Variants in ZFYVE28 observed in about 807,000 individuals in gnomAD.
ZFYVE28 encodes the protein zinc finger FYVE-type containing 28, also known as lateral signaling target protein 2 homolog.
A neutral mutation model predicts 82.1 loss-of-function variants in ZFYVE28; 40 were observed. The ratio of observed to expected loss-of-function variants is 0.49; its 90% CI spans 0.38 to 0.63. The LOEUF is 0.63. ZFYVE28 is among the 30% of genes least tolerant of loss of function. ZFYVE28 has a pLI of 0.00. For missense variants in ZFYVE28, 1,321 were observed against 1,242.1 expected (o/e 1.06, Z -0.96); for synonymous variants, 612 against 546.1 (o/e 1.12, Z -1.68).
In ZFYVE28 at chr4:2,290,178, G is replaced by A. The variant is rs139286240; in HGVS notation, c.2051+14111C>T. 7.6e-3 allele frequency among the ~76,000 whole-genome samples: 1,158 copies of A among 152,278 alleles called. 18 individuals carry two copies. Among genetic ancestry groups the A allele is most frequent in the African/African-American group, 0.026 (1,096 of 41,558 alleles). ...CAAGATCTCCTCAGGGGACAAGGCC[G>A]CCCATGCTGGCAACCCGGAGCCCAG... On this transcript the variant is annotated intron_variant, in intron 8 of 12. Coordinates refer to ENST00000290974, the MANE Select transcript of ZFYVE28 (RefSeq NM_020972.3).
At chr4:2,333,161 C>T (rs1012326472) in intron 6 of ZFYVE28, among the ~76,000 whole-genome samples, 6 of 151,616 alleles carry the variant, frequency 4.0e-5, no homozygotes, top group African/African-American at 1.5e-4. Context: ...AGCCTCCCTC[C>T]CCAACCTCCC....
At chr4:2,287,226 G>C (rs1712886325) in intron 8 of ZFYVE28, 1 of 152,310 alleles carries the variant, frequency 6.6e-6, no homozygotes, top group South Asian at 2.1e-4. Context: ...AGCAGCCCCA[G>C]ACAGGCATCT....
intron 1 of ZFYVE28, among the ~76,000 whole-genome samples, chr4:2,396,629 GC>G (rs1730486424): frequency 5.3e-5 from 1 of 18,826 alleles, no homozygotes; most frequent in African/African-American, 6.5e-4. Flanking sequence ...GGGACACAAG[GC>G]GGGGGTGTCT....
In ZFYVE28 at chr4:2,409,699, G is replaced by T. The variant is rs1246434723; in HGVS notation, c.39+8586C>A. Among the ~76,000 whole-genome samples the T allele has an allele frequency of 2.0e-5, 3 of 152,364 alleles. No homozygotes were observed. Among genetic ancestry groups the T allele is most frequent in the Admixed American group, 2.0e-4 (3 of 15,310 alleles). On this transcript the variant is annotated intron_variant, in intron 1 of 12. Transcript: ENST00000290974. The surrounding 1 kb of genome is among the most constrained non-coding windows in gnomAD (Gnocchi z 4.4). ...GTCCAGTACACCCACGGTGGGGTGG[G>T]GGGGCTGACCCCTGCGGGCAGCTCT... is the stretch of plus-strand genomic sequence containing the variant.
rs1286888974 is a variant in ZFYVE28 at position 2,335,848 on chromosome 4, A to G, written c.612-54T>C. ...ATGAGGGCTGGCCCACCACAGCCACAGGTTGGACCCCAGCAGGGACAGGCA... is the reference window on the plus strand; with the variant it reads ...ATGAGGGCTGGCCCACCACAGCCACGGGTTGGACCCCAGCAGGGACAGGCA... On this transcript the variant is annotated intron_variant, in intron 5 of 12. Transcript: ENST00000290974. The surrounding 1 kb of genome is among the most constrained non-coding windows in gnomAD (Gnocchi z 5.8). 2 of 1,469,018 alleles carry G rather than the reference A, an allele frequency of 1.4e-6. No individual in the cohort carries two copies. Among genetic ancestry groups the G allele is most frequent in the African/African-American group, 2.8e-5 (2 of 71,350 alleles). 91.0% of individuals were successfully genotyped at this position (1,469,018 alleles called of 1,614,324 possible).
rs1468355202 is a variant in ZFYVE28 at position 2,320,376 on chromosome 4, G to C, written c.702-105C>G. ...CGAAAACCACGCCCGCTGGGACTCTGCAGCGCCACTGTCCCAGCACGGCCG... is the reference window on the plus strand; with the variant it reads ...CGAAAACCACGCCCGCTGGGACTCTCCAGCGCCACTGTCCCAGCACGGCCG... On this transcript the variant is annotated intron_variant, in intron 6 of 12. Transcript: ENST00000290974. The surrounding 1 kb of genome is among the most constrained non-coding windows in gnomAD (Gnocchi z 5.1). The C allele has an allele frequency of 3.8e-5, 34 of 905,034 alleles. No individual in the cohort carries two copies. In the East Asian group the frequency reaches 8.3e-4, roughly 22 times the overall value. The allele number at this position is 905,034 out of a possible 1,614,324, so 56.1% of individuals were successfully genotyped here.
At chr4:2,288,188 T>G (rs1489675761) in intron 8 of ZFYVE28, among the ~76,000 whole-genome samples, 3 of 152,144 alleles carry the variant, frequency 2.0e-5, no homozygotes, top group Non-Finnish European at 4.4e-5. Context: ...GATATGGCCC[T>G]ACCCAGCCCT....
intron 6 of ZFYVE28, among the ~76,000 whole-genome samples, chr4:2,323,196 C>T (rs998917448): frequency 2.0e-5 from 3 of 152,198 alleles, no homozygotes; most frequent in South Asian, 2.1e-4. Context: ...GACTTCTCCA[C>T]GCTCTCCCCA....
At chr4:2,272,819 C>T (rs779767262) in intron 10 of ZFYVE28, among the ~76,000 whole-genome samples, 2 of 152,254 alleles carry the variant, frequency 1.3e-5, no homozygotes, top group Non-Finnish European at 2.9e-5. Context: ...CTCCATCAGA[C>T]GCAGAGGTGC....
At chr4:2,303,997 C>A (rs1382353162) in intron 8 of ZFYVE28, among the ~76,000 whole-genome samples, 2 of 152,240 alleles carry the variant, frequency 1.3e-5, no homozygotes, top group Non-Finnish European at 1.5e-5. Context: ...GAGCTGAGGG[C>A]TTGGCACTGC....
rs1716869359 is a variant in ZFYVE28 at position 2,308,174 on chromosome 4, C to T, written c.804-2638G>A. ...TTGTTCTGTCACCCAGGCTGGAGTT[C>T]AGTGATGTAAACACAGCTCACCGTA... On this transcript the variant is annotated intron_variant, in intron 7 of 12. Transcript: ENST00000290974. 7.9e-5 allele frequency among the ~76,000 whole-genome samples: 12 copies of T among 152,024 alleles called. No individual in the cohort carries two copies. In the South Asian group the frequency reaches 2.5e-3, roughly 32 times the overall value.
rs200326536 is a variant in ZFYVE28, at chr4:2,304,696, G to A, written c.1644C>T (p.Gly548=). The part of the protein sequence containing the change: ...SEPVAEGMDG[G]PHKLSTGATN... ...TGGCCCCAGTGCTAAGCTTGTGGGG[G>A]CCGCCATCCATCCCCTCGGCCACGG... The change falls in exon 8 of 13, where the codon GGC becomes GGT. Residue 548 remains glycine, a synonymous_variant. Coordinates refer to ENST00000290974, the MANE Select transcript of ZFYVE28 (RefSeq NM_020972.3). 37 of 1,612,490 alleles carry A rather than the reference G, an allele frequency of 2.3e-5. No individual in the cohort carries two copies. The highest frequency in any genetic ancestry group is 3.1e-5 in the Non-Finnish European group (36 of 1,179,906).
chr4:2,323,139 G>C (rs1049411806), intron 6 of ZFYVE28, among the ~76,000 whole-genome samples: 2 of 152,148 alleles, frequency 1.3e-5, no homozygotes, highest in Non-Finnish European at 2.9e-5. Context: ...ACTGTTTTCC[G>C]TAGCAGCTGT....
At chr4:2,403,764 A>C (rs1731457054) in intron 1 of ZFYVE28, among the ~76,000 whole-genome samples, 1 of 152,058 alleles carries the variant, frequency 6.6e-6, no homozygotes, top group Admixed American at 6.5e-5. Flanking sequence ...CAGGAATTCG[A>C]CACCAGCCTG....
At chr4:2,297,577 T>A (rs942487164) in intron 8 of ZFYVE28, among the ~76,000 whole-genome samples, 3 of 152,178 alleles carry the variant, frequency 2.0e-5, no homozygotes, top group African/African-American at 4.8e-5. Context: ...GAGATGTGAA[T>A]CCAGGAAACA....
chr4:2,321,832 C>T (rs991067414), intron 6 of ZFYVE28, among the ~76,000 whole-genome samples: 1 of 152,160 alleles, frequency 6.6e-6, no homozygotes, highest in African/African-American at 2.4e-5. Flanking sequence ...CTCGCTCCTG[C>T]CTGTGCCGGG....
Position 2,304,298 on chromosome 4 carries a change from G to A in ZFYVE28, c.2042C>T (p.Ser681Leu), listed in dbSNP as rs146319858. 277 of 1,576,934 alleles carry A rather than the reference G, an allele frequency of 1.8e-4. 1 individual carries two copies. Among genetic ancestry groups the A allele is most frequent in the Admixed American group, 2.4e-4 (13 of 55,136 alleles). The change falls in exon 8 of 13, where the codon TCG becomes TTG. Residue 681 changes from serine to leucine, a missense_variant. Ser to Leu is a moderately radical substitution (Grantham distance 145). This residue lies in a region of ZFYVE28 where 978 missense variants were observed against 833.7 expected (regional missense o/e 1.17). Coordinates refer to ENST00000290974, the MANE Select transcript of ZFYVE28 (RefSeq NM_020972.3). ...CCAGACTGGCTCTTACCTGGAGCCCGACAGGGCCTGAGGCGCCTCGTGAGC... is the reference window on the plus strand; with the variant it reads ...CCAGACTGGCTCTTACCTGGAGCCCAACAGGGCCTGAGGCGCCTCGTGAGC... Reference protein sequence around the residue: ...PSAHEAPQALSGSSSSTAGSC... With the variant: ...PSAHEAPQALLGSSSSTAGSC...
chr4:2,287,171 A>T (rs1712878763), intron 8 of ZFYVE28: 2 of 152,232 alleles, frequency 1.3e-5, no homozygotes, highest in African/African-American at 4.8e-5. Context: ...TAAACCAGCA[A>T]ATCCCCACGG....
intron 1 of ZFYVE28, among the ~76,000 whole-genome samples, chr4:2,395,716 C>A (rs1161254378): frequency 6.6e-6 from 1 of 152,226 alleles, no homozygotes; most frequent in African/African-American, 2.4e-5. Flanking sequence ...GAACGCCAGG[C>A]CAGAAGAGGT....
Sources: gnomAD v4.1 joint callset for allele counts (sites outside exome capture counted in the v4.1 genomes callset) on GRCh38, gnomAD v4.1.1 for gene constraint, gnomAD v4.1.1 regional missense constraint, Gnocchi (gnomAD v3.1) non-coding constraint, MANE v1.5 for transcripts, NCBI Gene and HGNC (gene_info 2026-07-23, HGNC 2026-07-21) for gene names.